RAB3GAP2: variants seen among roughly 807,000 people sequenced by gnomAD.
The protein encoded by RAB3GAP2 is RAB3 GTPase activating non-catalytic protein subunit 2, also known as rab3 GTPase-activating protein non-catalytic subunit.
RAB3GAP2 carries 87 observed loss-of-function variants against 185.3 expected under a neutral mutation model. The observed-to-expected ratio is 0.47, with a 90% CI of 0.39 to 0.56. The LOEUF (loss-of-function observed/expected upper bound fraction) is 0.56, where lower values mean the gene tolerates loss of function less well. RAB3GAP2 is among the 20% of genes least tolerant of loss of function. RAB3GAP2 has a pLI of 0.00. For synonymous variants in RAB3GAP2, 554 were observed against 576.1 expected (o/e 0.96, Z 0.55); for missense variants, 1,492 against 1,638.2 (o/e 0.91, Z 1.54).
At chr1:220,192,989 A>G (rs546419994) in intron 13 of RAB3GAP2, among the ~76,000 whole-genome samples, 62 of 152,342 alleles carry the variant, frequency 4.1e-4, no homozygotes, top group African/African-American at 1.5e-3. Flanking sequence ...GAAATTGACA[A>G]TAACAGTGAG....
intron 2 of RAB3GAP2, among the ~76,000 whole-genome samples, chr1:220,231,272 T>C (rs1357409250): frequency 6.6e-6 from 1 of 152,170 alleles, no homozygotes; most frequent in Non-Finnish European, 1.5e-5. Context: ...AGACTTTGCA[T>C]GAGCTGCTGC....
At chr1:220,176,451 G>C (rs1658291097) in intron 21 of RAB3GAP2, among the ~76,000 whole-genome samples, 1 of 152,124 alleles carries the variant, frequency 6.6e-6, no homozygotes, top group African/African-American at 2.4e-5. Flanking sequence ...AAACAGCCCA[G>C]TCCCCACAAG....
Position 220,184,083 on chromosome 1 carries a change from G to T in RAB3GAP2, c.1951C>A (p.Gln651Lys). Reference protein sequence around the residue: ...KLLQLYESVSQLNSLDFHLDT... With the variant: ...KLLQLYESVSKLNSLDFHLDT... ...AAATGAAAATCAAGGGAATTTAATT[G>T]ACTGACAGACTCATAGAGTTGCAGC... The change falls in exon 19 of 35, where the codon CAA (glutamine) becomes AAA (lysine). Residue 651 changes from glutamine to lysine, a missense_variant. Coordinates refer to ENST00000358951, the MANE Select transcript of RAB3GAP2 (RefSeq NM_012414.4). 2 of 1,599,756 alleles carry T rather than the reference G, an allele frequency of 1.3e-6. No homozygotes were observed. The highest frequency in any genetic ancestry group is 1.7e-4 in the Middle Eastern group (1 of 6,030).
In RAB3GAP2 at chr1:220,167,356, C is replaced by G; in HGVS notation, c.3024G>C (p.Glu1008Asp). 1 of 1,614,190 alleles carries G rather than the reference C, an allele frequency of 6.2e-7. No individual in the cohort carries two copies. The highest frequency in any genetic ancestry group is 1.1e-5 in the South Asian group (1 of 91,086). The change falls in exon 26 of 35, where the codon GAG becomes GAC. Residue 1008 changes from glutamate to aspartate, a missense_variant. By Grantham distance (45) the Glu-to-Asp change is conservative. This residue lies in a region of RAB3GAP2 where 387 missense variants were observed against 455.3 expected (regional missense o/e 0.85). Transcript: ENST00000358951. ...AGCAATGTGCATGCAAGACATCGAG[C>G]TCAAGGCTACAAGGAAACTGCTCAT... is the stretch of plus-strand genomic sequence containing the variant. The part of the protein sequence containing the change: ...LAYEQFPCSL[E>D]LDVLHAHCCW...
rs776719945 is a variant in RAB3GAP2 at position 220,182,253 on chromosome 1, T to C, written c.2310+4A>G. The C allele has an allele frequency of 2.5e-6, 4 of 1,613,750 alleles. No homozygotes were observed. Among genetic ancestry groups the C allele is most frequent in the African/African-American group, 2.7e-5 (2 of 74,956 alleles). ...ACAGCATCCAGCAACCAAAAAAACC[T>C]TACCAACAACAGCTGAGGGCTAAGA... On this transcript the variant is annotated splice_donor_region_variant and intron_variant, in intron 21 of 34. Coordinates refer to ENST00000358951, the MANE Select transcript of RAB3GAP2 (RefSeq NM_012414.4).
intron 9 of RAB3GAP2, among the ~76,000 whole-genome samples, chr1:220,199,530 A>G (rs1658801460): frequency 6.6e-6 from 1 of 151,474 alleles, no homozygotes; most frequent in South Asian, 2.1e-4. Flanking sequence ...ACAGTAAACC[A>G]CTCCCTCTCA....
intron 31 of RAB3GAP2, 149 bp from the exon 32 acceptor site, chr1:220,154,206 A>G: frequency 1.7e-6 from 2 of 1,170,802 alleles, no homozygotes; most frequent in Non-Finnish European, 2.3e-6. Flanking sequence ...TATAACAATT[A>G]TCTAGTATAT....
intron 31 of RAB3GAP2, among the ~76,000 whole-genome samples, chr1:220,155,442 A>G (rs1307899186): frequency 6.6e-6 from 1 of 152,208 alleles, no homozygotes; most frequent in Non-Finnish European, 1.5e-5. Flanking sequence ...CATCACTGAG[A>G]GAAGTATTTA....
At chr1:220,210,657 G>A (rs1571902722) in intron 6 of RAB3GAP2, 144 bp downstream of exon 6, 7 of 1,016,622 alleles carry the variant, frequency 6.9e-6, no homozygotes, top group African/African-American at 1.6e-5. Flanking sequence ...AACTTGCCAC[G>A]GCCTATCCCG....
intron 27 of RAB3GAP2, 102 bp from the exon 28 acceptor site, chr1:220,162,370 T>G (rs953079007): frequency 1.3e-6 from 1 of 763,156 alleles, no homozygotes; most frequent in Non-Finnish European, 2.2e-6. Context: ...ATAGACTATT[T>G]TGATTTCATT....
intron 17 of RAB3GAP2, among the ~76,000 whole-genome samples, chr1:220,187,565 T>C (rs949216182): frequency 3.9e-5 from 6 of 152,030 alleles, no homozygotes; most frequent in Admixed American, 6.6e-5. Context: ...GAAGACTGAG[T>C]TGATCACCAA....
In RAB3GAP2 at chr1:220,158,324, A is replaced by C. The variant is rs1657897049; in HGVS notation, c.3262-448T>G. Among the ~76,000 whole-genome samples the C allele has an allele frequency of 6.6e-6, 1 of 152,174 alleles. No individual in the cohort carries two copies. The highest frequency in any genetic ancestry group is 2.1e-4 in the South Asian group (1 of 4,828). On this transcript the variant is annotated intron_variant, in intron 29 of 34. Transcript: ENST00000358951. The surrounding 1 kb of genome is among the most constrained non-coding windows in gnomAD (Gnocchi z 4.3). ...TTTAGAGACTGAACCCGACCCTCTG[A>C]GCAAAACTAGAATCCTCAAGCTTGA...
intron 1 of RAB3GAP2, among the ~76,000 whole-genome samples, chr1:220,250,656 G>T (rs1275581852): frequency 6.6e-6 from 1 of 152,188 alleles, no homozygotes; most frequent in Admixed American, 6.5e-5. Context: ...TTGTACTTCA[G>T]ATAATCCCCA....
rs562665054 is a variant in RAB3GAP2, at chr1:220,216,793, T to C, written c.181-2814A>G. Among the ~76,000 whole-genome samples the C allele has an allele frequency of 1.1e-4, 16 of 152,322 alleles. No individual in the cohort carries two copies. In the South Asian group the frequency reaches 3.3e-3, roughly 32 times the overall value. The stretch of plus-strand genomic sequence containing the variant: ...TTCTCAAAAAAATTTGTTTTAATAA[T>C]TGAGCATCTATACAAATAGATTCCT... On this transcript the variant is annotated intron_variant, in intron 2 of 34. Coordinates refer to ENST00000358951, the MANE Select transcript of RAB3GAP2 (RefSeq NM_012414.4).
chr1:220,272,339 G>A lies in RAB3GAP2; in HGVS notation c.-2C>T, dbSNP rs148110576. 8 of 1,605,440 alleles carry A rather than the reference G, an allele frequency of 5.0e-6. No homozygotes were observed. The African/African-American group carries it at 8.0e-5, about 16-fold the overall frequency. On this transcript the variant is annotated 5_prime_UTR_variant, in exon 1 of 35. Transcript: ENST00000358951. ...GAACTGGACAATGGAGCAGGCCATG[G>A]CTCCAGGGAACCCCACTACGGCACT...
intron 3 of RAB3GAP2, among the ~76,000 whole-genome samples, chr1:220,213,602 C>T (rs1195983080): frequency 6.6e-6 from 1 of 150,566 alleles, no homozygotes; most frequent in African/African-American, 2.5e-5. Context: ...ACAGTACTGC[C>T]CCTGAGGTAC....
chr1:220,206,074 G>T, intron 7 of RAB3GAP2, 68 bp from the exon 8 acceptor site: 1 of 980,318 alleles, frequency 1.0e-6, no homozygotes, highest in Non-Finnish European at 1.5e-6. Context: ...TTATTATACT[G>T]AATTTCACGA....
intron 17 of RAB3GAP2, among the ~76,000 whole-genome samples, chr1:220,187,474 G>A (rs1162276730): frequency 1.3e-5 from 2 of 152,144 alleles, no homozygotes; most frequent in African/African-American, 4.8e-5. Flanking sequence ...TAAGGGGGTG[G>A]TTACCAGTGG....
At chr1:220,263,087 G>A (rs905716801) in intron 1 of RAB3GAP2, among the ~76,000 whole-genome samples, 1 of 151,078 alleles carries the variant, frequency 6.6e-6, no homozygotes, top group African/African-American at 2.4e-5. Flanking sequence ...TTGGTCATCT[G>A]TATATCATCC....
Sources: allele counts gnomAD v4.1 joint callset (sites outside exome capture counted in the v4.1 genomes callset), GRCh38; gene constraint gnomAD v4.1.1; regional missense constraint gnomAD v4.1.1; non-coding constraint Gnocchi (gnomAD v3.1); transcripts MANE v1.5; gene names NCBI Gene and HGNC (gene_info 2026-07-23, HGNC 2026-07-21).